Variants in RPRD2 observed in about 807,000 individuals in gnomAD.
The protein encoded by RPRD2 is regulation of nuclear pre-mRNA domain-containing protein 2.
A neutral mutation model predicts 104.4 loss-of-function variants in RPRD2; 12 were observed. That is an observed-to-expected ratio of 0.11 (90% CI 0.07 to 0.19). The LOEUF is 0.19. Ranked by LOEUF, RPRD2 falls within the 10% of genes least tolerant of loss-of-function variation. RPRD2 has a pLI of 1.00. For synonymous variants in RPRD2, 714 were observed against 684.9 expected, an observed-to-expected ratio of 1.04 and a Z score of -0.66; for missense variants, 1,543 against 1,790.1, an observed-to-expected ratio of 0.86 and a Z score of 2.49.
rs903247277 is a variant in RPRD2, at chr1:150,364,553, G to A, written c.-162G>A. On this transcript the variant is annotated 5_prime_UTR_variant, in exon 1 of 11. Coordinates refer to ENST00000369068, the MANE Select transcript of RPRD2 (RefSeq NM_015203.5). ...AGCGTGCCCAGCAGCTGGTGTTCCC[G>A]TCCGTACCTCCAGAAGAGCCCAGCG... 3.3e-5 allele frequency: 19 copies of A among 568,166 alleles called. No homozygotes were observed. The highest frequency in any genetic ancestry group is 5.2e-5 in the Non-Finnish European group (17 of 324,598). The allele number at this position is 568,166 out of a possible 1,614,324, so 35.2% of individuals were successfully genotyped here. A position where few individuals can be genotyped will look rare whatever the true frequency, so the allele number is the denominator to read the frequency against.
chr1:150,473,162 A>G lies in RPRD2; in HGVS notation c.4214A>G (p.Asp1405Gly). Reference protein sequence around the residue: ...SGPPLGPSHRDTISRSGIILR... With the variant: ...SGPPLGPSHRGTISRSGIILR... ...CCCCCCTTGGGTCCCTCACACAGAG[A>G]CACCATCAGCCGGAGTGGTATAATC... The change falls in exon 11 of 11, where the codon GAC becomes GGC. Residue 1405 changes from aspartate to glycine, a missense_variant. This residue lies in a region of RPRD2 where 880 missense variants were observed against 885.6 expected (regional missense o/e 0.99). Transcript: ENST00000369068. 6.2e-7 allele frequency: 1 copy of G among 1,613,968 alleles called. No homozygotes were observed.
chr1:150,415,127 C>G (rs1183367164), intron 1 of RPRD2, among the ~76,000 whole-genome samples: 3 of 151,962 alleles, frequency 2.0e-5, no homozygotes, highest in African/African-American at 7.3e-5. Context: ...GATTTCAAGA[C>G]CAGCCTGCCA....
intron 1 of RPRD2, among the ~76,000 whole-genome samples, chr1:150,376,499 G>GT (rs1192493572): frequency 6.7e-6 from 1 of 148,464 alleles, no homozygotes; most frequent in African/African-American, 2.6e-5. Context: ...GCATGATACA[G>GT]TCTTTTTTTT....
rs1659635848 is a variant in RPRD2, at chr1:150,364,153, G to C, written c.-562G>C. ...CAAGTGGCGCGTGCGCGATACTGTT[G>C]CTGCCCCTTTGCTGCTATTGCGTTG... On this transcript the variant is annotated 5_prime_UTR_variant, in exon 1 of 11. Transcript: ENST00000369068. Among the ~76,000 whole-genome samples, 1 of 152,236 alleles carries C rather than the reference G, an allele frequency of 6.6e-6. No individual in the cohort carries two copies. The highest frequency in any genetic ancestry group is 2.4e-5 in the African/African-American group (1 of 41,476).
intron 1 of RPRD2, among the ~76,000 whole-genome samples, chr1:150,395,104 C>T (rs1662396008): frequency 1.3e-5 from 2 of 152,110 alleles, no homozygotes; most frequent in Non-Finnish European, 2.9e-5. Flanking sequence ...CACTCATCCC[C>T]TGAGCAGTAT....
In RPRD2 at chr1:150,464,529, G is replaced by A; in HGVS notation, c.1414G>A (p.Val472Ile). The A allele has an allele frequency of 1.3e-6, 2 of 1,594,992 alleles. No homozygotes were observed. The highest frequency in any genetic ancestry group is 8.5e-7 in the Non-Finnish European group (1 of 1,170,868). ...TGAGTTCATCTTTCTGCCACCAGGGGTCAGTCCTGCATCAAGACCTTCTCC... is the reference window on the plus strand; with the variant it reads ...TGAGTTCATCTTTCTGCCACCAGGGATCAGTCCTGCATCAAGACCTTCTCC... ...SLTSVMKNTG[V>I]SPASRPSPGT... is the part of the protein sequence containing the mutation. Residue 472 changes from valine (V) to isoleucine (I), a missense_variant and splice_region_variant, in exon 10 of 11, where the codon GTC becomes ATC. Physicochemically the swap from Val to Ile is conservative, Grantham distance 29 (BLOSUM62 3). This residue lies in a region of RPRD2 where 572 missense variants were observed against 787.3 expected (regional missense o/e 0.73). Coordinates refer to ENST00000369068, the MANE Select transcript of RPRD2 (RefSeq NM_015203.5).
chr1:150,389,381 A>G (rs1388912332), intron 1 of RPRD2, among the ~76,000 whole-genome samples: 1 of 152,060 alleles, frequency 6.6e-6, no homozygotes, highest in Non-Finnish European at 1.5e-5. Flanking sequence ...ATTTGGTCAG[A>G]TATTTTGTAG....
intron 1 of RPRD2, among the ~76,000 whole-genome samples, chr1:150,382,171 T>C (rs1553880917): frequency 6.6e-6 from 1 of 152,170 alleles, no homozygotes; most frequent in Admixed American, 6.5e-5. Flanking sequence ...CTATGTGAAA[T>C]GTTTATTAAG....
At chr1:150,399,935 CCTG>C (rs587761582) in intron 1 of RPRD2, among the ~76,000 whole-genome samples, 100 of 152,142 alleles carry the variant, frequency 6.6e-4, no homozygotes, top group African/African-American at 2.2e-3. Flanking sequence ...TACAAATAAT[CCTG>C]CTGGGATTTT....
chr1:150,392,660 T>C (rs1662179113), intron 1 of RPRD2, among the ~76,000 whole-genome samples: 1 of 152,074 alleles, frequency 6.6e-6, no homozygotes, highest in African/African-American at 2.4e-5. Context: ...CTGGGCAACA[T>C]ACATAGCAAG....
chr1:150,399,776 T>C (rs1184992093), intron 1 of RPRD2, among the ~76,000 whole-genome samples: 1 of 151,342 alleles, frequency 6.6e-6, no homozygotes, highest in Non-Finnish European at 1.5e-5. Context: ...AAAAAATTGA[T>C]TGCCCACGTA....
intron 1 of RPRD2, among the ~76,000 whole-genome samples, chr1:150,405,300 A>G (rs761030531): frequency 2.6e-5 from 4 of 152,206 alleles, no homozygotes; most frequent in Admixed American, 6.5e-5. Context: ...TGGCTCTTTC[A>G]GTGTATATTG....
Position 150,364,598 on chromosome 1 carries a change from C to G in RPRD2, c.-117C>G. On this transcript the variant is annotated 5_prime_UTR_variant, in exon 1 of 11. Coordinates refer to ENST00000369068, the MANE Select transcript of RPRD2 (RefSeq NM_015203.5). ...CCAGCGCGTGCACCATCCCCACCCC[C>G]TAGCTTCCCTCCCCACCTACGGCTT... The G allele has an allele frequency of 1.6e-6, 1 of 621,230 alleles. No homozygotes were observed. The highest frequency in any genetic ancestry group is 2.0e-5 in the South Asian group (1 of 50,506). The allele number at this position is 621,230 out of a possible 1,614,324, so 38.5% of individuals were successfully genotyped here.
chr1:150,459,942 T>C (rs1553898418), intron 8 of RPRD2, 118 bp from the exon 9 acceptor site: 2 of 851,562 alleles, frequency 2.3e-6, no homozygotes, highest in Admixed American at 2.9e-5. Flanking sequence ...GAGTCGTTGT[T>C]TTCTCTAAAG....
At chr1:150,425,320 T>C (rs1665047061) in intron 2 of RPRD2, among the ~76,000 whole-genome samples, 1 of 152,154 alleles carries the variant, frequency 6.6e-6, no homozygotes, top group Non-Finnish European at 1.5e-5. Flanking sequence ...TGAAAACCTT[T>C]AAAATATATT....
intron 1 of RPRD2, among the ~76,000 whole-genome samples, chr1:150,371,322 C>A (rs1660282717): frequency 6.6e-6 from 1 of 152,170 alleles, no homozygotes; most frequent in Non-Finnish European, 1.5e-5. Context: ...ATTATGATCT[C>A]CATTTTACAG....
Position 150,471,108 on chromosome 1 carries a change from T to G in RPRD2, c.2160T>G (p.Ile720Met), listed in dbSNP as rs1011016673. The change falls in exon 11 of 11, where the codon ATT becomes ATG. Residue 720 changes from isoleucine to methionine, a missense_variant. Physicochemically the swap from Ile to Met is conservative, Grantham distance 10. Around this residue, in one of 4 missense-constraint regions of RPRD2, gnomAD observed 572 missense variants for 787.3 expected, o/e 0.73. Transcript: ENST00000369068. The surrounding 1 kb of genome is among the most constrained non-coding windows in gnomAD (Gnocchi z 5.3). ...RGPTSTSIDN[I>M]DGTPVRDERS... ...CTACTAGCACCTCAATCGACAACATTGATGGAACCCCTGTACGGGATGAAC... is the reference window on the plus strand; with the variant it reads ...CTACTAGCACCTCAATCGACAACATGGATGGAACCCCTGTACGGGATGAAC... The G allele has an allele frequency of 3.7e-6, 6 of 1,613,686 alleles. No individual in the cohort carries two copies. Among genetic ancestry groups the G allele is most frequent in the Non-Finnish European group, 5.1e-6 (6 of 1,179,826 alleles).
Position 150,472,558 on chromosome 1 carries a change from C to A in RPRD2, c.3610C>A (p.Pro1204Thr), listed in dbSNP as rs776560045. ...CCCATCCCCCTTGGAACATGGGACA[C>A]CCTTCCAGAGAGAGCCAGTGGGGCC... is the stretch of plus-strand genomic sequence containing the variant. ...LPPSPLEHGT[P>T]FQREPVGPSS... The change falls in exon 11 of 11, where the codon CCC becomes ACC. Residue 1204 changes from proline (P) to threonine (T), a missense_variant. Around this residue, in one of 4 missense-constraint regions of RPRD2, gnomAD observed 880 missense variants for 885.6 expected, o/e 0.99. Coordinates refer to ENST00000369068, the MANE Select transcript of RPRD2 (RefSeq NM_015203.5). 1.2e-6 allele frequency: 2 copies of A among 1,613,958 alleles called. No individual in the cohort carries two copies. The highest frequency in any genetic ancestry group is 2.2e-5 in the East Asian group (1 of 44,884).
At chr1:150,446,544 G>C (rs1164361513) in intron 7 of RPRD2, 143 bp downstream of exon 7, 1 of 696,586 alleles carries the variant, frequency 1.4e-6, no homozygotes, top group African/African-American at 1.8e-5. Flanking sequence ...AGGTGCTGTG[G>C]TACACACCTG....
Sources: gnomAD v4.1 joint callset for allele counts (sites outside exome capture counted in the v4.1 genomes callset) on GRCh38, gnomAD v4.1.1 for gene constraint, gnomAD v4.1.1 regional missense constraint, Gnocchi (gnomAD v3.1) non-coding constraint, MANE v1.5 for transcripts, NCBI Gene and HGNC (gene_info 2026-07-23, HGNC 2026-07-21) for gene names.